Variants in THSD7A observed in about 807,000 individuals in gnomAD.
THSD7A encodes the protein thrombospondin type 1 domain containing 7A.
In THSD7A, 96 loss-of-function variants were observed where a neutral mutation model predicts 231.3. The observed-to-expected ratio is 0.41, with a 90% CI of 0.35 to 0.49. The LOEUF (loss-of-function observed/expected upper bound fraction) is 0.49, where lower values mean the gene tolerates loss of function less well. Among genes scored for constraint, THSD7A ranks in the 20% least tolerant of loss-of-function variants. The pLI, the probability that THSD7A is intolerant of heterozygous loss-of-function variation, is 0.05. For synonymous variants in THSD7A, 940 were observed against 743.3 expected, an observed-to-expected ratio of 1.26 and a Z score of -4.30; for missense variants, 2,290 against 2,070.2, an observed-to-expected ratio of 1.11 and a Z score of -2.06.
chr7:11,729,298 G>A (rs373271564), intron 1 of THSD7A, among the ~76,000 whole-genome samples: 6 of 151,902 alleles, frequency 3.9e-5, no homozygotes, highest in African/African-American at 9.6e-5. Context: ...CCTTAATCGT[G>A]TATGACACTT....
chr7:11,446,155 G>A lies in THSD7A; in HGVS notation c.2970C>T (p.Asp990=). 3 of 1,613,460 alleles carry A rather than the reference G, an allele frequency of 1.9e-6. No homozygotes were observed. The highest frequency in any genetic ancestry group is 2.2e-5 in the South Asian group (2 of 91,072). ...EVLLGMKVQG[D]IKECGQGYRY... The stretch of plus-strand genomic sequence containing the variant: ...GATATCCTTGTCCGCATTCCTTGAT[G>A]TCTCCTTGTACTTTCATTCCCAGCA... Residue 990 remains aspartate (D), a synonymous_variant, in exon 13 of 28, where the codon GAC becomes GAT. Transcript: ENST00000423059. This position sits in a 1 kb window ranked among gnomAD's most constrained non-coding sequence, Gnocchi z 4.0.
At chr7:11,379,502 G>C in intron 25 of THSD7A, 128 bp downstream of exon 25, 1 of 951,746 alleles carries the variant, frequency 1.1e-6, no homozygotes, top group East Asian at 2.6e-5. Flanking sequence ...ATTGATAAAA[G>C]GAGATGTCTA....
At chr7:11,470,530 TTAATAA>T (rs1301269720) in intron 8 of THSD7A, among the ~76,000 whole-genome samples, 3 of 151,790 alleles carry the variant, frequency 2.0e-5, no homozygotes, top group African/African-American at 7.2e-5. Context: ...AACTACATAT[TTAATAA>T]TAATTAAGAT....
Position 11,474,193 on chromosome 7 carries a change from C to G in THSD7A, c.2252+141G>C, listed in dbSNP as rs748240353. 1 of 674,342 alleles carries G rather than the reference C, an allele frequency of 1.5e-6. No individual in the cohort carries two copies. Among genetic ancestry groups the G allele is most frequent in the Non-Finnish European group, 2.4e-6 (1 of 415,054 alleles). The allele number at this position is 674,342 out of a possible 1,614,324, so 41.8% of individuals were successfully genotyped here. ...CTGTTATAGCTTTATCAGTGGCTGA[C>G]TTTCAAAACAAACAAATCTTGCTCT... On this transcript the variant is annotated intron_variant, in intron 8 of 27. Transcript: ENST00000423059. This position sits in a 1 kb window ranked among gnomAD's most constrained non-coding sequence, Gnocchi z 4.1.
intron 22 of THSD7A, among the ~76,000 whole-genome samples, chr7:11,405,002 A>C (rs1047262096): frequency 6.6e-6 from 1 of 152,118 alleles, no homozygotes; most frequent in Non-Finnish European, 1.5e-5. Context: ...GAAAATATCC[A>C]TGTGTGCAAA....
chr7:11,694,862 A>C (rs1280020638), intron 1 of THSD7A, among the ~76,000 whole-genome samples: 1 of 151,584 alleles, frequency 6.6e-6, no homozygotes, highest in Non-Finnish European at 1.5e-5. Context: ...TCAAAATATA[A>C]TTTGGAAGAC....
intron 23 of THSD7A, 106 bp from the exon 24 acceptor site, chr7:11,382,722 CT>C (rs1782567897): frequency 1.1e-6 from 1 of 871,400 alleles, no homozygotes; most frequent in South Asian, 1.5e-5. Flanking sequence ...AAGCTCATCT[CT>C]GATGATTCAA....
At chr7:11,387,438 G>A (rs538835982) in intron 23 of THSD7A, among the ~76,000 whole-genome samples, 34 of 151,922 alleles carry the variant, frequency 2.2e-4, no homozygotes, top group Non-Finnish European at 4.7e-4. Flanking sequence ...ATCCCTCGTA[G>A]GTTGTATTCC....
rs572650438 is a variant in THSD7A, at chr7:11,385,885, C to T, written c.4412-3269G>A. Among the ~76,000 whole-genome samples the T allele has an allele frequency of 5.9e-5, 9 of 152,188 alleles. No individual in the cohort carries two copies. The East Asian group carries it at 1.7e-3, about 29-fold the overall frequency. On this transcript the variant is annotated intron_variant, in intron 23 of 27. Transcript: ENST00000423059. The stretch of plus-strand genomic sequence containing the variant: ...CCTCCCCCTTACCTCCACCCCCTCA[C>T]AGGAACCGGTGTGTGATGTTCCATT...
intron 1 of THSD7A, among the ~76,000 whole-genome samples, chr7:11,680,272 A>G (rs981917626): frequency 6.6e-6 from 1 of 152,194 alleles, no homozygotes; most frequent in Non-Finnish European, 1.5e-5. Flanking sequence ...AGGCAATACC[A>G]TTCAGTACAT....
chr7:11,429,098 G>A lies in THSD7A; in HGVS notation c.3092C>T (p.Pro1031Leu). 6.2e-7 allele frequency: 1 copy of A among 1,608,046 alleles called. No individual in the cohort carries two copies. The highest frequency in any genetic ancestry group is 1.1e-5 in the South Asian group (1 of 90,244). Residue 1031 changes from proline (P) to leucine (L), a missense_variant, in exon 14 of 28, where the codon CCC becomes CTC. Pro to Leu is a moderately conservative substitution (Grantham distance 98). Coordinates refer to ENST00000423059, the MANE Select transcript of THSD7A (RefSeq NM_015204.3). ...HGYIEEACII[P>L]CPSDCKLSEW... ...ACTGAGCTTGCAGTCTGAGGGGCAGGGGATGATGCAGGCCTCCTCAATGTA... is the reference window on the plus strand; with the variant it reads ...ACTGAGCTTGCAGTCTGAGGGGCAGAGGATGATGCAGGCCTCCTCAATGTA...
At position 11,632,186 on chromosome 7, in the gene THSD7A, A is replaced by G. The variant is rs1205560988; in HGVS notation, c.1022+3944T>C. 6.6e-6 allele frequency among the ~76,000 whole-genome samples: 1 copy of G among 151,932 alleles called. No homozygotes were observed. The highest frequency in any genetic ancestry group is 1.5e-5 in the Non-Finnish European group (1 of 67,968). ...CAGTATTTTCCTGTCTAATACATCT[A>G]TTTTTCCCTTATAAATTTCACAGTA... On this transcript the variant is annotated intron_variant, in intron 2 of 27. Coordinates refer to ENST00000423059, the MANE Select transcript of THSD7A (RefSeq NM_015204.3). This position sits in a 1 kb window ranked among gnomAD's most constrained non-coding sequence, Gnocchi z 4.1.
At chr7:11,384,967 C>T (rs1370677850) in intron 23 of THSD7A, 1 of 151,772 alleles carries the variant, frequency 6.6e-6, no homozygotes, top group African/African-American at 2.4e-5. Flanking sequence ...AACATTTTCA[C>T]CAACGTTTTA....
intron 6 of THSD7A, among the ~76,000 whole-genome samples, chr7:11,538,519 A>G (rs1047696057): frequency 2.6e-5 from 4 of 152,214 alleles, no homozygotes; most frequent in African/African-American, 7.2e-5. Flanking sequence ...ACACCTTTAA[A>G]TGAAACATAT....
chr7:11,787,237 C>T (rs1337402712), intron 1 of THSD7A, among the ~76,000 whole-genome samples: 4 of 151,382 alleles, frequency 2.6e-5, no homozygotes, highest in Middle Eastern at 6.8e-3. Flanking sequence ...AGACACAGAT[C>T]TGACATTCTT....
In THSD7A at chr7:11,443,279, T is replaced by A. The variant is rs559750947; in HGVS notation, c.3064+2782A>T. ...TGTGCTGCATTCCAAAATAAACACATCTTTTAAGTGATCTTCAATTTTATA... is the reference window on the plus strand; with the variant it reads ...TGTGCTGCATTCCAAAATAAACACAACTTTTAAGTGATCTTCAATTTTATA... On this transcript the variant is annotated intron_variant, in intron 13 of 27. Transcript: ENST00000423059. 3.3e-5 allele frequency among the ~76,000 whole-genome samples: 5 copies of A among 152,206 alleles called. No homozygotes were observed. The East Asian group carries it at 9.7e-4, about 29-fold the overall frequency.
chr7:11,553,165 G>A (rs937632839), intron 4 of THSD7A, among the ~76,000 whole-genome samples: 13 of 152,120 alleles, frequency 8.5e-5, no homozygotes, highest in Middle Eastern at 3.4e-3. Context: ...GCTGCTAAGC[G>A]CACCAAATCA....
intron 4 of THSD7A, among the ~76,000 whole-genome samples, chr7:11,544,351 A>AT (rs1789285192): frequency 6.6e-6 from 1 of 152,106 alleles, no homozygotes; most frequent in Non-Finnish European, 1.5e-5. Context: ...AAAAAAAAAA[A>AT]GTCATTTTCT....
rs540155226 is a variant in THSD7A, at chr7:11,828,324, T to A, written c.190+3433A>T. Among the ~76,000 whole-genome samples, 4 of 152,344 alleles carry A rather than the reference T, an allele frequency of 2.6e-5. No homozygotes were observed. In the East Asian group the frequency reaches 7.7e-4, roughly 29 times the overall value. On this transcript the variant is annotated intron_variant, in intron 1 of 27. Transcript: ENST00000423059. ...GACTTTCAAGATCTAGGAAAGCTGC[T>A]GTGCCTTTTCACTTTTATTTTTTTC...
Sources: allele counts gnomAD v4.1 joint callset (sites outside exome capture counted in the v4.1 genomes callset), GRCh38; gene constraint gnomAD v4.1.1; non-coding constraint Gnocchi (gnomAD v3.1); transcripts MANE v1.5; gene names NCBI Gene and HGNC (gene_info 2026-07-23, HGNC 2026-07-21).